DCAF8L2: variants seen among roughly 807,000 people sequenced by gnomAD.
The protein encoded by DCAF8L2 is DDB1 and CUL4 associated factor 8 like 2, also known as DDB1- and CUL4-associated factor 8-like protein 2.
For synonymous variants in DCAF8L2, 200 were observed against 190.9 expected (o/e 1.05, Z -0.39); for missense variants, 430 against 490.7 (o/e 0.88, Z 1.17).
the DCAF8L2 span, among the ~76,000 whole-genome samples, chrX:27,534,461 A>G: frequency 2.7e-5 from 3 of 111,937 alleles, no homozygotes; most frequent in African/African-American, 9.7e-5. Context: ...ACCAAATTTA[A>G]CATTTGGGAA....
chrX:27,659,473 C>G (rs1375460881), intron 2 of DCAF8L2, among the ~76,000 whole-genome samples: 1 of 111,685 alleles, frequency 9.0e-6, no homozygotes, highest in Admixed American at 9.5e-5. Context: ...TATCTCCATC[C>G]TCCTATAGAA....
the DCAF8L2 span, among the ~76,000 whole-genome samples, chrX:27,559,811 C>G: frequency 8.9e-6 from 1 of 111,793 alleles, no homozygotes; most frequent in African/African-American, 3.3e-5. Flanking sequence ...ATACTTTATG[C>G]CCACTCTGTG....
the DCAF8L2 span, among the ~76,000 whole-genome samples, chrX:27,514,312 T>C: frequency 2.4e-4 from 17 of 71,112 alleles, 1 homozygote; most frequent in Middle Eastern, 7.8e-3. Flanking sequence ...CACATATGTG[T>C]ATATGGTAAT....
the DCAF8L2 span, among the ~76,000 whole-genome samples, chrX:27,484,012 C>T: frequency 9.0e-6 from 1 of 111,522 alleles, no homozygotes; most frequent in African/African-American, 3.2e-5. Flanking sequence ...GATGTTATTT[C>T]AAGGGTATAG....
chrX:27,707,708 C>A (rs1348191425), intron 3 of DCAF8L2, among the ~76,000 whole-genome samples: 1 of 111,154 alleles, frequency 9.0e-6, no homozygotes, highest in Admixed American at 9.6e-5. Context: ...TGCTTGGAAT[C>A]CGTGGTCTAT....
At chrX:27,572,442 A>G in the DCAF8L2 span, among the ~76,000 whole-genome samples, 1 of 111,919 alleles carries the variant, frequency 8.9e-6, no homozygotes, top group Non-Finnish European at 1.9e-5. Flanking sequence ...AAGTATGACC[A>G]CACCATGCTA....
At chrX:27,487,414 C>T in the DCAF8L2 span, among the ~76,000 whole-genome samples, 15 of 111,128 alleles carry the variant, frequency 1.3e-4, no homozygotes, top group Admixed American at 1.1e-3. Flanking sequence ...CCCGAGAAGC[C>T]GGGATTACAG....
the DCAF8L2 span, among the ~76,000 whole-genome samples, chrX:27,564,860 T>C: frequency 9.1e-6 from 1 of 109,339 alleles, no homozygotes; most frequent in Non-Finnish European, 1.9e-5. Context: ...TAAAAAAAAA[T>C]TTTTTGTAGA....
At chrX:27,568,946 AACACACACACACACACAC>A in the DCAF8L2 span, among the ~76,000 whole-genome samples, 316 of 86,554 alleles carry the variant, frequency 3.7e-3, no homozygotes, top group South Asian at 0.037. Flanking sequence ...TTGGAACTCA[AACACACACACACACACAC>A]ACACACACAC....
intron 3 of DCAF8L2, among the ~76,000 whole-genome samples, chrX:27,707,895 A>G (rs1307504258): frequency 1.8e-5 from 2 of 111,921 alleles, no homozygotes; most frequent in Non-Finnish European, 3.8e-5. Context: ...GTTAGGGTAA[A>G]TAAAAATGGC....
At chrX:27,626,451 T>C (rs1256144938) in intron 1 of DCAF8L2, among the ~76,000 whole-genome samples, 1 of 111,773 alleles carries the variant, frequency 8.9e-6, no homozygotes, top group Non-Finnish European at 1.9e-5. Flanking sequence ...TTCTGTGATC[T>C]GTAGTTTAGG....
intron 2 of DCAF8L2, among the ~76,000 whole-genome samples, chrX:27,675,147 A>G (rs1317370929): frequency 1.8e-5 from 2 of 111,881 alleles, no homozygotes; most frequent in Admixed American, 9.5e-5. Flanking sequence ...TAGATTTAGA[A>G]GACACAGAAG....
chrX:27,697,584 T>C (rs1930971995), intron 3 of DCAF8L2, among the ~76,000 whole-genome samples: 1 of 111,733 alleles, frequency 8.9e-6, no homozygotes, highest in Non-Finnish European at 1.9e-5. Context: ...AAATTTTACC[T>C]AGTTTGTCAA....
the DCAF8L2 span, among the ~76,000 whole-genome samples, chrX:27,538,090 A>G: frequency 1.8e-5 from 2 of 111,612 alleles, no homozygotes; most frequent in African/African-American, 3.3e-5. Context: ...GTGATCTCTG[A>G]AGAGATTCAA....
At chrX:27,724,338 G>A (rs1384033239) in intron 4 of DCAF8L2, among the ~76,000 whole-genome samples, 3 of 110,889 alleles carry the variant, frequency 2.7e-5, no homozygotes, top group Non-Finnish European at 5.7e-5. Flanking sequence ...TTTGATGTAA[G>A]AGGCTTTATA....
At chrX:27,623,404 T>A (rs1351458855) in intron 1 of DCAF8L2, among the ~76,000 whole-genome samples, 1 of 111,425 alleles carries the variant, frequency 9.0e-6, no homozygotes, top group Non-Finnish European at 1.9e-5. Context: ...ATACTGGAAA[T>A]ACTGCATAAA....
chrX:27,530,362 G>A, the DCAF8L2 span, among the ~76,000 whole-genome samples: 2 of 110,080 alleles, frequency 1.8e-5, no homozygotes, highest in African/African-American at 6.6e-5. Flanking sequence ...CCCAAACCCC[G>A]CCATTCTTCT....
intron 4 of DCAF8L2, among the ~76,000 whole-genome samples, chrX:27,742,228 A>G (rs1602811306): frequency 9.0e-6 from 1 of 111,538 alleles, no homozygotes; most frequent in African/African-American, 3.3e-5. Context: ...GTCAAAATGC[A>G]TATGCCATAG....
chrX:27,594,075 GAAAGA>G lies in DCAF8L2; in HGVS notation c.-342+3643_-342+3647del, dbSNP rs1157115924. Among the ~76,000 whole-genome samples the G allele has an allele frequency of 2.7e-5, 3 of 111,893 alleles. No individual in the cohort carries two copies. The Admixed American group carries it at 2.8e-4, about 11-fold the overall frequency. ...TTTGTCAAAGGTCAGAAGGGAAGTA[GAAAGA>G]AAAGAAAGTAGTTTCAAACTTATTG... On this transcript the variant is annotated intron_variant, in intron 1 of 4. Transcript: ENST00000451261.
Sources: gnomAD v4.1 joint callset for allele counts (sites outside exome capture counted in the v4.1 genomes callset) on GRCh38, gnomAD v4.1.1 for gene constraint, MANE v1.5 for transcripts, NCBI Gene and HGNC (gene_info 2026-07-23, HGNC 2026-07-21) for gene names.